The following RBFOX1 variants were observed in gnomAD, a reference collection of about 807,000 sequenced individuals.
RBFOX1 encodes RNA binding protein fox-1 homolog 1.
RBFOX1 carries 8 observed loss-of-function variants against 57.7 expected under a neutral mutation model. The observed-to-expected ratio is 0.14, with a 90% CI of 0.08 to 0.25. RBFOX1 has a LOEUF of 0.25. Ranked by LOEUF, RBFOX1 falls within the 10% of genes least tolerant of loss-of-function variation. RBFOX1 has a pLI of 1.00. For missense variants in RBFOX1, 611 were observed against 548.5 expected, an observed-to-expected ratio of 1.11 and a Z score of -1.14; for synonymous variants, 326 against 222.4, an observed-to-expected ratio of 1.47 and a Z score of -4.15.
At chr16:5,327,999 G>T (rs762558258) in intron 1 of RBFOX1, among the ~76,000 whole-genome samples, 28 of 152,182 alleles carry the variant, frequency 1.8e-4, no homozygotes, top group Non-Finnish European at 3.7e-4. Flanking sequence ...TATTTTGGAA[G>T]AGCTGAAGAC....
chr16:6,527,219 T>C (rs1236210182), intron 2 of RBFOX1, among the ~76,000 whole-genome samples: 1 of 152,186 alleles, frequency 6.6e-6, no homozygotes, highest in Non-Finnish European at 1.5e-5. Flanking sequence ...TGACTCCACA[T>C]TTCCCTTTCC....
At chr16:6,588,302 A>G (rs1489637476) in intron 2 of RBFOX1, among the ~76,000 whole-genome samples, 1 of 151,940 alleles carries the variant, frequency 6.6e-6, no homozygotes, top group Non-Finnish European at 1.5e-5. Context: ...TGTAGATACT[A>G]ACTGGAACAT....
intron 3 of RBFOX1, among the ~76,000 whole-genome samples, chr16:7,001,406 G>GTATATGTATATGTATATC (rs2092788596): frequency 8.2e-6 from 1 of 121,550 alleles, no homozygotes; most frequent in East Asian, 2.3e-4. Flanking sequence ...ATTTGTATAT[G>GTATATGTATATGTATATC]TATATGTATA....
chr16:6,007,415 C>A (rs1233621232), intron 4 of RBFOX1, among the ~76,000 whole-genome samples: 1 of 152,200 alleles, frequency 6.6e-6, no homozygotes, highest in African/African-American at 2.4e-5. Flanking sequence ...CCAGTAGTCA[C>A]ATGACTGAGC....
intron 1 of RBFOX1, among the ~76,000 whole-genome samples, chr16:5,356,542 A>G (rs2065394409): frequency 6.6e-6 from 1 of 152,142 alleles, no homozygotes; most frequent in Non-Finnish European, 1.5e-5. Flanking sequence ...TTGTCAGTTT[A>G]TTTCTAGGGC....
intron 4 of RBFOX1, among the ~76,000 whole-genome samples, chr16:7,182,492 C>G (rs931089563): frequency 2.6e-5 from 4 of 152,106 alleles, no homozygotes; most frequent in African/African-American, 9.7e-5. Context: ...CTTGTTTTTA[C>G]CATTTTCTAG....
intron 2 of RBFOX1, among the ~76,000 whole-genome samples, chr16:6,538,751 C>G (rs142425090): frequency 6.6e-6 from 1 of 152,176 alleles, no homozygotes; most frequent in Admixed American, 6.5e-5. Flanking sequence ...CTTTTTCCAG[C>G]TGTTGGTTGT....
At chr16:7,668,638 C>T (rs1418376437) in intron 13 of RBFOX1, among the ~76,000 whole-genome samples, 2 of 150,290 alleles carry the variant, frequency 1.3e-5, no homozygotes, top group East Asian at 4.0e-4. Context: ...TATCTGAGTC[C>T]CTTCTACCTG....
At chr16:6,965,421 C>T (rs947957488) in intron 3 of RBFOX1, among the ~76,000 whole-genome samples, 4 of 151,910 alleles carry the variant, frequency 2.6e-5, no homozygotes, top group Admixed American at 2.0e-4. Context: ...CAGCTTACTG[C>T]AGCCTCCCGG....
At chr16:6,297,647 C>G (rs564886354) in intron 1 of RBFOX1, among the ~76,000 whole-genome samples, 25 of 152,200 alleles carry the variant, frequency 1.6e-4, no homozygotes, top group Admixed American at 1.0e-3. Flanking sequence ...AACAGACATT[C>G]CTGTTGCTTT....
At chr16:6,066,994 G>A (rs939404457) in intron 1 of RBFOX1, among the ~76,000 whole-genome samples, 2 of 152,234 alleles carry the variant, frequency 1.3e-5, no homozygotes, top group Admixed American at 1.3e-4. Flanking sequence ...AGAAAGGGTG[G>A]TGCCTGAACT....
At chr16:7,069,697 C>T (rs1386280030) in intron 4 of RBFOX1, among the ~76,000 whole-genome samples, 2 of 152,124 alleles carry the variant, frequency 1.3e-5, no homozygotes, top group Non-Finnish European at 2.9e-5. Flanking sequence ...TCCTCATGCG[C>T]TAGAGTAAGT....
chr16:5,701,642 C>T (rs935811710), intron 3 of RBFOX1, among the ~76,000 whole-genome samples: 1 of 152,116 alleles, frequency 6.6e-6, no homozygotes, highest in Non-Finnish European at 1.5e-5. Flanking sequence ...TCATGTTGCC[C>T]AGGCTGGTCT....
chr16:6,699,762 G>T (rs1229576563), intron 3 of RBFOX1, among the ~76,000 whole-genome samples: 1 of 152,074 alleles, frequency 6.6e-6, no homozygotes, highest in Non-Finnish European at 1.5e-5. Context: ...ATCAAGGTGG[G>T]ATAATGAGGC....
chr16:7,378,559 C>T (rs905820939), intron 4 of RBFOX1, among the ~76,000 whole-genome samples: 2 of 152,176 alleles, frequency 1.3e-5, no homozygotes, highest in African/African-American at 2.4e-5. Flanking sequence ...CAACTCCAGC[C>T]TAGGGATGCA....
intron 4 of RBFOX1, among the ~76,000 whole-genome samples, chr16:7,269,490 A>G (rs1329718905): frequency 6.6e-6 from 1 of 152,126 alleles, no homozygotes. Flanking sequence ...CAGACAGAGG[A>G]AAAAAGCTTA....
chr16:7,165,933 T>TACACACACACACACACACACACACACAC (rs889669390), intron 4 of RBFOX1, among the ~76,000 whole-genome samples: 18 of 143,262 alleles, frequency 1.3e-4, no homozygotes, highest in Admixed American at 4.9e-4. Flanking sequence ...CGCATGCACA[T>TACACACACACACACACACACACACACAC]ACACACACAC....
Position 5,955,336 on chromosome 16 carries a change from TAAAATAAAATAAAATAAATAAAAA to T in RBFOX1, c.351+88002_351+88025del, listed in dbSNP as rs1567187690. Among the ~76,000 whole-genome samples, 384 of 50,252 alleles carry T rather than the reference TAAAATAAAATAAAATAAATAAAAA, an allele frequency of 7.6e-3. 12 individuals are homozygous for T. The highest frequency in any genetic ancestry group is 0.017 in the Admixed American group (74 of 4,340). The allele number at this position is 50,252 out of a possible 152,430, so 33.0% of individuals were successfully genotyped here. A position where few individuals can be genotyped will look rare whatever the true frequency, so the allele number is the denominator to read the frequency against. On this transcript the variant is annotated intron_variant, in intron 4 of 19. Transcript: ENST00000641259. Reference sequence around the variant, plus strand: ...TAAAATAAAATAAAATAAAATAAAATAAAATAAAATAAAATAAATAAAAATAAAATAAAATAAAATAAAATAAAA... The same window carrying T: ...TAAAATAAAATAAAATAAAATAAAATTAAAATAAAATAAAATAAAATAAAA...
intron 5 of RBFOX1, among the ~76,000 whole-genome samples, chr16:7,558,139 A>T (rs561733838): frequency 3.6e-4 from 55 of 152,198 alleles, no homozygotes; most frequent in Admixed American, 3.1e-3. Flanking sequence ...AGATCACTGG[A>T]ACCCAGGAGT....
Sources: gnomAD v4.1 joint callset for allele counts (sites outside exome capture counted in the v4.1 genomes callset) on GRCh38, gnomAD v4.1.1 for gene constraint, MANE v1.5 for transcripts, NCBI Gene and HGNC (gene_info 2026-07-23, HGNC 2026-07-21) for gene names.